Variants in DOCK1 observed in about 807,000 individuals in gnomAD.
DOCK1 encodes the protein dedicator of cytokinesis 1, also known as dedicator of cytokinesis protein 1.
A neutral mutation model predicts 262.7 loss-of-function variants in DOCK1; 138 were observed. The ratio of observed to expected loss-of-function variants is 0.53; its 90% CI spans 0.46 to 0.61. The LOEUF (loss-of-function observed/expected upper bound fraction) is 0.61, where lower values mean the gene tolerates loss of function less well. Among genes scored for constraint, DOCK1 ranks in the 20% least tolerant of loss-of-function variants. The probability of loss-of-function intolerance (pLI) is 0.00; values close to 1 mark genes in which losing one functional copy is unlikely to be tolerated. For missense variants in DOCK1, 1,908 were observed against 2,370.7 expected (o/e 0.80, Z 4.05); for synonymous variants, 866 against 867.4 (o/e 1.00, Z 0.03).
chr10:127,029,124 A>G (rs7913779), intron 16 of DOCK1, among the ~76,000 whole-genome samples: 6,265 of 152,314 alleles, frequency 0.041, 436 homozygotes, highest in African/African-American at 0.14. Flanking sequence ...ACAAGATGCT[A>G]TCACCCAACA....
At chr10:126,968,154 C>T (rs1031889380) in intron 1 of DOCK1, among the ~76,000 whole-genome samples, 1 of 152,144 alleles carries the variant, frequency 6.6e-6, no homozygotes, top group African/African-American at 2.4e-5. Context: ...TCATCACCCT[C>T]GCAGTGCCCC....
chr10:127,072,879 C>T (rs1009536419), intron 23 of DOCK1, among the ~76,000 whole-genome samples: 1 of 152,186 alleles, frequency 6.6e-6, no homozygotes, highest in Non-Finnish European at 1.5e-5. Flanking sequence ...TTGATGGAAA[C>T]ATTTATATCC....
At chr10:127,253,166 G>T (rs1428658561) in intron 28 of DOCK1, among the ~76,000 whole-genome samples, 1 of 152,216 alleles carries the variant, frequency 6.6e-6, no homozygotes, top group African/African-American at 2.4e-5. Flanking sequence ...TGCCCAAGGG[G>T]CTGCTGGCTG....
intron 27 of DOCK1, among the ~76,000 whole-genome samples, chr10:127,202,103 G>A (rs1364079784): frequency 1.3e-5 from 2 of 152,112 alleles, no homozygotes; most frequent in East Asian, 1.9e-4. Flanking sequence ...CGGGCAGATT[G>A]CTTGAGCTCA....
chr10:127,325,941 G>C (rs1266323040), intron 29 of DOCK1, among the ~76,000 whole-genome samples: 1 of 151,942 alleles, frequency 6.6e-6, no homozygotes, highest in Non-Finnish European at 1.5e-5. Context: ...AGATTTTTTG[G>C]TTTCCCAGTG....
At chr10:127,241,371 C>A (rs986636934) in intron 27 of DOCK1, among the ~76,000 whole-genome samples, 12 of 152,226 alleles carry the variant, frequency 7.9e-5, no homozygotes, top group African/African-American at 2.4e-4. Context: ...ACTTCTCTTA[C>A]ATTTTCTAAA....
At chr10:127,363,364 G>A (rs58343112) in intron 33 of DOCK1, among the ~76,000 whole-genome samples, 2 of 152,020 alleles carry the variant, frequency 1.3e-5, no homozygotes. Flanking sequence ...ACAAAAATTA[G>A]TGAGGCATGG....
chr10:127,338,753 T>TA lies in DOCK1; in HGVS notation c.3045-253_3045-252insA, dbSNP rs546307346. Among the ~76,000 whole-genome samples the TA allele has an allele frequency of 2.2e-3, 338 of 152,392 alleles. 1 individual carries two copies. Among genetic ancestry groups the TA allele is most frequent in the African/African-American group, 7.8e-3 (326 of 41,600 alleles). ...TAGATTTTGTTTTAAGTCATACTTT[T>TA]CAAATGTTACTTTCAGAAGCTGTTA... On this transcript the variant is annotated intron_variant, in intron 29 of 51. Coordinates refer to ENST00000623213, the MANE Select transcript of DOCK1 (RefSeq NM_001290223.2).
At chr10:127,314,913 G>A (rs958752209) in intron 29 of DOCK1, among the ~76,000 whole-genome samples, 22 of 152,226 alleles carry the variant, frequency 1.4e-4, no homozygotes, top group Non-Finnish European at 2.1e-4. Flanking sequence ...CAAGATCAAG[G>A]TTTCTGCCAC....
intron 29 of DOCK1, among the ~76,000 whole-genome samples, chr10:127,291,776 G>A (rs1348613069): frequency 2.0e-5 from 3 of 152,214 alleles, no homozygotes; most frequent in Non-Finnish European, 4.4e-5. Context: ...TATAGCCTAC[G>A]TAGAGAGAAT....
At chr10:127,246,027 G>T (rs1047980361) in intron 27 of DOCK1, among the ~76,000 whole-genome samples, 2 of 152,168 alleles carry the variant, frequency 1.3e-5, no homozygotes, top group South Asian at 4.1e-4. Context: ...CTGCATCAGG[G>T]TCAATTGTGG....
chr10:127,018,867 A>G lies in DOCK1; in HGVS notation c.1327+32A>G, dbSNP rs780196482. On this transcript the variant is annotated intron_variant, in intron 13 of 51. Transcript: ENST00000623213. ...ACTGGCTTGTTCAGGGCTTCTCAGCATGGCATGGGGGTAGCCGGCCACGGA... is the reference window on the plus strand; with the variant it reads ...ACTGGCTTGTTCAGGGCTTCTCAGCGTGGCATGGGGGTAGCCGGCCACGGA... 3.7e-6 allele frequency: 6 copies of G among 1,610,454 alleles called. No individual in the cohort carries two copies. The African/African-American group carries it at 4.0e-5, about 11-fold the overall frequency.
chr10:126,983,522 G>T (rs1002825417), intron 4 of DOCK1, among the ~76,000 whole-genome samples: 1 of 152,056 alleles, frequency 6.6e-6, no homozygotes, highest in African/African-American at 2.4e-5. Context: ...TTGCATGATC[G>T]TTCTCATATG....
In DOCK1 at chr10:126,981,956, G is replaced by A. The variant is rs759966791; in HGVS notation, c.210G>A (p.Ala70=). 6.2e-7 allele frequency: 1 copy of A among 1,613,364 alleles called. No individual in the cohort carries two copies. The change falls in exon 4 of 52, where the codon GCG becomes GCA. Residue 70 remains alanine, a synonymous_variant. Transcript: ENST00000623213. ...CTTCATATATTCATCTTAAAGAAGC[G>A]ATAGTTGAAGGAAAAGGGTGAGTCT... is the stretch of plus-strand genomic sequence containing the variant. The part of the protein sequence containing the change: ...FPASYIHLKE[A]IVEGKGQHET...
chr10:127,398,498 C>T (rs1426392202), intron 38 of DOCK1, among the ~76,000 whole-genome samples: 1 of 152,214 alleles, frequency 6.6e-6, no homozygotes, highest in Admixed American at 6.5e-5. Context: ...GGCTCCTGTG[C>T]TGCTGAGGGA....
intron 26 of DOCK1, among the ~76,000 whole-genome samples, chr10:127,127,344 A>T (rs1408899821): frequency 6.6e-6 from 1 of 152,224 alleles, no homozygotes; most frequent in African/African-American, 2.4e-5. Flanking sequence ...CAGATGGCCA[A>T]ATATCTTTAG....
chr10:127,355,955 T>A (rs1320850623), intron 32 of DOCK1, among the ~76,000 whole-genome samples: 2 of 152,224 alleles, frequency 1.3e-5, no homozygotes, highest in Non-Finnish European at 2.9e-5. Flanking sequence ...TGGGTGGGGA[T>A]GAAGAGCGGG....
At chr10:127,287,410 G>A (rs2061197294) in intron 29 of DOCK1, among the ~76,000 whole-genome samples, 1 of 151,450 alleles carries the variant, frequency 6.6e-6, no homozygotes, top group Non-Finnish European at 1.5e-5. Context: ...GGCTGCTCTT[G>A]AACTCCTGGC....
intron 29 of DOCK1, among the ~76,000 whole-genome samples, chr10:127,337,053 G>C (rs977286494): frequency 6.6e-6 from 1 of 151,916 alleles, no homozygotes; most frequent in Non-Finnish European, 1.5e-5. Flanking sequence ...GGACCCTAGG[G>C]TACTCTGCAA....
Sources: gnomAD v4.1 joint callset for allele counts (sites outside exome capture counted in the v4.1 genomes callset) on GRCh38, gnomAD v4.1.1 for gene constraint, MANE v1.5 for transcripts, NCBI Gene and HGNC (gene_info 2026-07-23, HGNC 2026-07-21) for gene names.